Variants in ENOPH1 observed in about 807,000 individuals in gnomAD.
ENOPH1 encodes enolase-phosphatase 1.
ENOPH1 carries 14 observed loss-of-function variants against 31.1 expected under a neutral mutation model. That is an observed-to-expected ratio of 0.45 (90% CI 0.30 to 0.70). The LOEUF is 0.70. Ranked by LOEUF, ENOPH1 falls within the 30% of genes least tolerant of loss-of-function variation. The pLI, the probability that ENOPH1 is intolerant of heterozygous loss-of-function variation, is 0.09. For synonymous variants in ENOPH1, 127 were observed against 123.2 expected (o/e 1.03, Z -0.21); for missense variants, 243 against 321.5 (o/e 0.76, Z 1.87).
At chr4:82,454,430 A>G (rs976167292) in intron 3 of ENOPH1, among the ~76,000 whole-genome samples, 4 of 152,206 alleles carry the variant, frequency 2.6e-5, no homozygotes, top group Non-Finnish European at 5.9e-5. Context: ...TCGGGAATTT[A>G]AAAAACACTT....
chr4:82,455,257 G>A (rs995761136), intron 4 of ENOPH1, among the ~76,000 whole-genome samples: 7 of 152,210 alleles, frequency 4.6e-5, no homozygotes, highest in Non-Finnish European at 8.8e-5. Flanking sequence ...GTCGTCACCT[G>A]TTGCATTTCA....
chr4:82,448,705 C>G (rs557756707), intron 2 of ENOPH1, among the ~76,000 whole-genome samples: 2 of 150,624 alleles, frequency 1.3e-5, no homozygotes, highest in Non-Finnish European at 3.0e-5. Flanking sequence ...GTGGATCACT[C>G]GAGGTCAGGA....
Position 82,435,108 on chromosome 4 carries a change from C to G in ENOPH1, c.84+4195C>G, listed in dbSNP as rs1721874486. On this transcript the variant is annotated intron_variant, in intron 1 of 5. Coordinates refer to ENST00000273920, the MANE Select transcript of ENOPH1 (RefSeq NM_021204.5). ...ACCTCTGGTGTTTGTTCTTTTTTGT[C>G]TTTGTTTTTCTGAAGCAGGGTCAGG... Among the ~76,000 whole-genome samples the G allele has an allele frequency of 2.0e-5, 3 of 151,928 alleles. No individual in the cohort carries two copies. In the South Asian group the frequency reaches 6.3e-4, roughly 32 times the overall value.
chr4:82,441,520 G>C (rs1722040673), intron 1 of ENOPH1, among the ~76,000 whole-genome samples: 1 of 152,196 alleles, frequency 6.6e-6, no homozygotes, highest in Non-Finnish European at 1.5e-5. Flanking sequence ...TGTAGTCCCA[G>C]CTACTCTGGA....
chr4:82,460,472 T>C lies in ENOPH1; in HGVS notation c.*352T>C, dbSNP rs548388507. On this transcript the variant is annotated 3_prime_UTR_variant, in exon 6 of 6. Transcript: ENST00000273920. The stretch of plus-strand genomic sequence containing the variant: ...AAAATGGAAAGCTAGTTTTGAGAAA[T>C]TATTCAGAAGCCTTGTTATTTTAAA... 6 of 166,014 alleles carry C rather than the reference T, an allele frequency of 3.6e-5. No individual in the cohort carries two copies. In the East Asian group the frequency reaches 6.8e-4, roughly 19 times the overall value. The allele number at this position is 166,014 out of a possible 1,614,324, so 10.3% of individuals were successfully genotyped here.
intron 1 of ENOPH1, among the ~76,000 whole-genome samples, chr4:82,441,358 C>T (rs1245834862): frequency 6.6e-6 from 1 of 152,268 alleles, no homozygotes; most frequent in East Asian, 1.9e-4. Flanking sequence ...TGTGGTGGCT[C>T]ATGCCTGTAA....
Position 82,433,245 on chromosome 4 carries a change from C to A in ENOPH1, c.84+2332C>A, listed in dbSNP as rs544467748. ...ATCAATTTTGCAACAAAACATAATA[C>A]CCCTCCCCCACCTTTTTCCCCAAGT... On this transcript the variant is annotated intron_variant, in intron 1 of 5. Coordinates refer to ENST00000273920, the MANE Select transcript of ENOPH1 (RefSeq NM_021204.5). 4.5e-4 allele frequency among the ~76,000 whole-genome samples: 68 copies of A among 152,250 alleles called. 1 individual carries two copies. In the South Asian group the frequency reaches 0.012, roughly 27 times the overall value.
At chr4:82,455,362 G>A (rs965613859) in intron 4 of ENOPH1, among the ~76,000 whole-genome samples, 7 of 152,018 alleles carry the variant, frequency 4.6e-5, no homozygotes, top group Admixed American at 1.3e-4. Flanking sequence ...CTACATTTAG[G>A]GTTTTAAAAA....
At chr4:82,456,831 G>C in intron 4 of ENOPH1, 84 bp from the exon 5 acceptor site, 1 of 1,508,750 alleles carries the variant, frequency 6.6e-7, no homozygotes, top group South Asian at 1.3e-5. Flanking sequence ...TGAAGTAATT[G>C]TGATTGTCAT....
Position 82,433,127 on chromosome 4 carries a change from G to A in ENOPH1, c.84+2214G>A, listed in dbSNP as rs1283323818. ...TTTCTGCGGTCATCAGGAGACCAAGGATAAGGACAGGAGAGGTAGTGATGT... is the reference window on the plus strand; with the variant it reads ...TTTCTGCGGTCATCAGGAGACCAAGAATAAGGACAGGAGAGGTAGTGATGT... On this transcript the variant is annotated intron_variant, in intron 1 of 5. Transcript: ENST00000273920. Among the ~76,000 whole-genome samples, 3 of 152,206 alleles carry A rather than the reference G, an allele frequency of 2.0e-5. No homozygotes were observed. In the East Asian group the frequency reaches 5.8e-4, roughly 29 times the overall value.
chr4:82,452,254 G>A (rs1722369887), intron 3 of ENOPH1, among the ~76,000 whole-genome samples: 1 of 151,940 alleles, frequency 6.6e-6, no homozygotes, highest in Admixed American at 6.6e-5. Context: ...TTTTGTAGAG[G>A]TGTGGTCTTG....
chr4:82,450,434 T>C (rs1435705132), intron 2 of ENOPH1, among the ~76,000 whole-genome samples: 2 of 152,356 alleles, frequency 1.3e-5, no homozygotes, highest in African/African-American at 4.8e-5. Flanking sequence ...CCTTACCTTT[T>C]TTTGTTGTCA....
At chr4:82,453,144 G>A (rs375310405) in intron 3 of ENOPH1, among the ~76,000 whole-genome samples, 11 of 150,672 alleles carry the variant, frequency 7.3e-5, no homozygotes, top group Admixed American at 2.6e-4. Flanking sequence ...CTTGTGATCC[G>A]CCCCCCCTTG....
intron 3 of ENOPH1, among the ~76,000 whole-genome samples, chr4:82,452,584 C>T (rs1037568122): frequency 6.6e-6 from 1 of 151,998 alleles, no homozygotes; most frequent in Non-Finnish European, 1.5e-5. Flanking sequence ...TGAGCCACCC[C>T]TCCCGGCCTA....
chr4:82,454,944 G>C (rs1722444396), intron 4 of ENOPH1, 90 bp downstream of exon 4: 1 of 1,242,348 alleles, frequency 8.0e-7, no homozygotes, highest in Non-Finnish European at 1.1e-6. Flanking sequence ...CTAATAGAAT[G>C]CTTTTTTTTT....
At chr4:82,433,516 ATAATC>A (rs1721830182) in intron 1 of ENOPH1, among the ~76,000 whole-genome samples, 1 of 152,208 alleles carries the variant, frequency 6.6e-6, no homozygotes, top group Non-Finnish European at 1.5e-5. Context: ...TTAATCTATT[ATAATC>A]TAATCTATTA....
chr4:82,458,133 T>G (rs1722537289), intron 5 of ENOPH1, among the ~76,000 whole-genome samples: 1 of 152,184 alleles, frequency 6.6e-6, no homozygotes, highest in Non-Finnish European at 1.5e-5. Flanking sequence ...TCTGCCTGCT[T>G]GCTCTTTTCT....
chr4:82,436,900 G>GTCA (rs537537058), intron 1 of ENOPH1, among the ~76,000 whole-genome samples: 115 of 151,852 alleles, frequency 7.6e-4, no homozygotes, highest in Non-Finnish European at 1.2e-3. Flanking sequence ...TGTCATCGTC[G>GTCA]TCATCATCAT....
At chr4:82,439,685 A>G (rs917373338) in intron 1 of ENOPH1, among the ~76,000 whole-genome samples, 1 of 152,204 alleles carries the variant, frequency 6.6e-6, no homozygotes, top group Admixed American at 6.5e-5. Context: ...CCAATTTCAC[A>G]GGGTTATTAT....
Sources: gnomAD v4.1 joint callset for allele counts (sites outside exome capture counted in the v4.1 genomes callset) on GRCh38, gnomAD v4.1.1 for gene constraint, MANE v1.5 for transcripts, NCBI Gene and HGNC (gene_info 2026-07-23, HGNC 2026-07-21) for gene names.